Variants in PTGIS observed in about 807,000 individuals in gnomAD.
PTGIS encodes the protein prostacyclin synthase.
In PTGIS, 45 loss-of-function variants were observed where a neutral mutation model predicts 50.3. The ratio of observed to expected loss-of-function variants is 0.90; its 90% confidence interval spans 0.70 to 1.15. PTGIS has a LOEUF of 1.15. Among genes scored for constraint, PTGIS ranks in the 50% most tolerant of loss-of-function variants. PTGIS has a pLI of 0.00. For synonymous variants in PTGIS, 260 were observed against 267.7 expected (o/e 0.97, Z 0.28); for missense variants, 668 against 661.3 (o/e 1.01, Z -0.11).
At chr20:49,511,838 G>C (rs1307480633) in intron 8 of PTGIS, among the ~76,000 whole-genome samples, 2 of 152,092 alleles carry the variant, frequency 1.3e-5, no homozygotes, top group African/African-American at 2.4e-5. Flanking sequence ...ATGGATGAAT[G>C]GAGGGATGGA....
chr20:49,514,175 G>T, intron 7 of PTGIS, 52 bp downstream of exon 7: 1 of 1,600,788 alleles, frequency 6.2e-7, no homozygotes, highest in Middle Eastern at 1.7e-4. Flanking sequence ...GGCTTTGGGG[G>T]TCCATGATGA....
At chr20:49,565,563 G>A (rs1429466846) in intron 1 of PTGIS, among the ~76,000 whole-genome samples, 2 of 152,130 alleles carry the variant, frequency 1.3e-5, no homozygotes, top group Non-Finnish European at 1.5e-5. Context: ...TACTCAGGAG[G>A]CTAAGATGAG....
intron 1 of PTGIS, among the ~76,000 whole-genome samples, chr20:49,564,890 T>C (rs1404200301): frequency 6.6e-6 from 1 of 151,736 alleles, no homozygotes; most frequent in Non-Finnish European, 1.5e-5. Context: ...ACAAGGGAGC[T>C]GGAGAGCCTT....
intron 1 of PTGIS, among the ~76,000 whole-genome samples, chr20:49,551,419 C>G (rs779154797): frequency 2.6e-5 from 4 of 152,120 alleles, no homozygotes; most frequent in Non-Finnish European, 5.9e-5. Flanking sequence ...TTATTATAAC[C>G]CAGACATTTA....
Position 49,519,462 on chromosome 20 carries a change from T to C in PTGIS, c.855+4596A>G, listed in dbSNP as rs75868795. Among the ~76,000 whole-genome samples, 1,466 of 152,032 alleles carry C rather than the reference T, an allele frequency of 9.6e-3. 26 individuals are homozygous for C. The highest frequency in any genetic ancestry group is 0.034 in the African/African-American group (1,397 of 41,446). On this transcript the variant is annotated intron_variant, in intron 6 of 9. Coordinates refer to ENST00000244043, the MANE Select transcript of PTGIS (RefSeq NM_000961.4). Reference sequence around the variant, plus strand: ...GCCTCTCTGCAGCATCTGACCCAGCTTCCCACTCCCGGCTCTCCTCCCACC... The same window carrying C: ...GCCTCTCTGCAGCATCTGACCCAGCCTCCCACTCCCGGCTCTCCTCCCACC...
In PTGIS at chr20:49,511,137, TCTC is replaced by T. The variant is rs1981310273; in HGVS notation, c.1246_1248del (p.Glu416del). 2 of 1,614,226 alleles carry T rather than the reference TCTC, an allele frequency of 1.2e-6. No individual in the cohort carries two copies. Among genetic ancestry groups the T allele is most frequent in the Non-Finnish European group, 1.7e-6 (2 of 1,180,030 alleles). The stretch of plus-strand genomic sequence containing the variant: ...TTCCCATCCTTGTAAAAGTCTTTCT[TCTC>T]TGATCCGTCAGGGTTCAGGAATCGG... On this transcript the variant is annotated inframe_deletion, in exon 9 of 10. Coordinates refer to ENST00000244043, the MANE Select transcript of PTGIS (RefSeq NM_000961.4).
At position 49,506,454 on chromosome 20, in the gene PTGIS, T is replaced by A. The variant is rs1397424266; in HGVS notation, c.*1466A>T. On this transcript the variant is annotated 3_prime_UTR_variant, in exon 10 of 10. Coordinates refer to ENST00000244043, the MANE Select transcript of PTGIS (RefSeq NM_000961.4). ...GTGCCGTGGCGCAGTCTCAGTTCACTGCAACCTCCACCTCCTGGGTTCAAG... is the reference window on the plus strand; with the variant it reads ...GTGCCGTGGCGCAGTCTCAGTTCACAGCAACCTCCACCTCCTGGGTTCAAG... The A allele has an allele frequency of 6.6e-6, 1 of 152,376 alleles. No individual in the cohort carries two copies. Among genetic ancestry groups the A allele is most frequent in the Admixed American group, 6.5e-5 (1 of 15,304 alleles). The allele number at this position is 152,376 out of a possible 1,614,324, so 9.4% of individuals were successfully genotyped here. A position where few individuals can be genotyped will look rare whatever the true frequency, so the allele number is the denominator to read the frequency against.
rs5598 is a variant in PTGIS at position 49,506,317 on chromosome 20, A to C, written c.*1603T>G. The C allele has an allele frequency of 4.6e-5, 7 of 152,324 alleles. No individual in the cohort carries two copies. The highest frequency in any genetic ancestry group is 1.4e-4 in the African/African-American group (6 of 41,562). 9.4% of individuals were successfully genotyped at this position (152,324 alleles called of 1,614,324 possible). On this transcript the variant is annotated 3_prime_UTR_variant, in exon 10 of 10. Transcript: ENST00000244043. ...CAATAAACAGGACTTTATATTAATA[A>C]AAATAGCATCATAAAAAAGGTTTGC... is the stretch of plus-strand genomic sequence containing the variant.
intron 1 of PTGIS, among the ~76,000 whole-genome samples, chr20:49,561,049 G>A (rs985827648): frequency 2.1e-4 from 32 of 152,084 alleles, no homozygotes; most frequent in African/African-American, 4.6e-4. Flanking sequence ...CATGGTCCCC[G>A]GGGAGCCAGA....
chr20:49,525,232 G>A (rs1981765414), intron 5 of PTGIS, among the ~76,000 whole-genome samples: 1 of 152,202 alleles, frequency 6.6e-6, no homozygotes, highest in Non-Finnish European at 1.5e-5. Context: ...GGCAGGAGAG[G>A]GAAACACCCC....
chr20:49,520,977 T>C (rs1240171698), intron 6 of PTGIS, among the ~76,000 whole-genome samples: 3 of 152,242 alleles, frequency 2.0e-5, no homozygotes, highest in Non-Finnish European at 4.4e-5. Flanking sequence ...ATTAATTGTC[T>C]ATCTTCTCCC....
chr20:49,544,837 C>A (rs536896266), intron 3 of PTGIS, among the ~76,000 whole-genome samples: 54 of 152,318 alleles, frequency 3.5e-4, no homozygotes, highest in Admixed American at 2.0e-3. Context: ...CTTTCCCTCC[C>A]TAAGGCACAC....
chr20:49,559,422 C>T (rs1189817630), intron 1 of PTGIS, among the ~76,000 whole-genome samples: 1 of 152,206 alleles, frequency 6.6e-6, no homozygotes, highest in African/African-American at 2.4e-5. Context: ...TTTCACGTTA[C>T]TCTGTGAACT....
chr20:49,551,770 A>ATG, intron 1 of PTGIS, among the ~76,000 whole-genome samples: 1 of 141,688 alleles, frequency 7.1e-6, no homozygotes, highest in East Asian at 2.1e-4. Flanking sequence ...GTGTGTGTGT[A>ATG]TGCGTGTGTA....
At chr20:49,518,942 T>C (rs999482946) in intron 6 of PTGIS, among the ~76,000 whole-genome samples, 1 of 152,160 alleles carries the variant, frequency 6.6e-6, no homozygotes. Context: ...CAGGGATGTG[T>C]GGCTGTGGCT....
At chr20:49,559,798 G>C (rs1295885803) in intron 1 of PTGIS, among the ~76,000 whole-genome samples, 1 of 152,144 alleles carries the variant, frequency 6.6e-6, no homozygotes, top group Non-Finnish European at 1.5e-5. Context: ...GGCTGGAGGA[G>C]GGGGAAATGG....
At chr20:49,513,046 A>G (rs1290754075) in intron 8 of PTGIS, 34 bp downstream of exon 8, 1 of 1,612,914 alleles carries the variant, frequency 6.2e-7, no homozygotes. Context: ...GTTCTCCCAC[A>G]GACCCCATAT....
Position 49,547,850 on chromosome 20 carries a change from C to G in PTGIS, c.368G>C (p.Arg123Thr). ...ATCTCCAGCCACTCACAGTTTCATC[C>G]TGGCCTTTTCATCACTGGGGCTGTA... ...PHYSPSDEKA[R>T]MKLTLLHREL... Residue 123 changes from arginine to threonine, a missense_variant, in exon 3 of 10, where the codon AGG (arginine) becomes ACG (threonine). Arg to Thr is a moderately conservative substitution (Grantham distance 71). Transcript: ENST00000244043. 1 of 1,614,162 alleles carries G rather than the reference C, an allele frequency of 6.2e-7. No homozygotes were observed. Among genetic ancestry groups the G allele is most frequent in the Non-Finnish European group, 8.5e-7 (1 of 1,180,026 alleles).
intron 8 of PTGIS, 33 bp from the exon 9 acceptor site, chr20:49,511,212 A>G: frequency 6.2e-7 from 1 of 1,612,694 alleles, no homozygotes; most frequent in Non-Finnish European, 8.5e-7. Flanking sequence ...TTCTGACCCC[A>G]TTCCCAGAAC....
Sources: allele counts gnomAD v4.1 joint callset (sites outside exome capture counted in the v4.1 genomes callset), GRCh38; gene constraint gnomAD v4.1.1; transcripts MANE v1.5; gene names NCBI Gene and HGNC (gene_info 2026-07-23, HGNC 2026-07-21).